Variants in ANO3 observed in about 807,000 individuals in gnomAD.
The protein encoded by ANO3 is anoctamin-3.
ANO3 carries 99 observed loss-of-function variants against 144.8 expected under a neutral mutation model. The ratio of observed to expected loss-of-function variants is 0.68; its 90% CI spans 0.58 to 0.81. The LOEUF (loss-of-function observed/expected upper bound fraction) is 0.81. ANO3 is among the 30% of genes least tolerant of loss of function. The pLI, the probability that ANO3 is intolerant of heterozygous loss-of-function variation, is 0.00. For synonymous variants in ANO3, 414 were observed against 392.6 expected, an observed-to-expected ratio of 1.05 and a Z score of -0.64; for missense variants, 905 against 1,202.2, an observed-to-expected ratio of 0.75 and a Z score of 3.66.
At chr11:26,320,757 T>C (rs1854739329) in intron 1 of ANO3, among the ~76,000 whole-genome samples, 2 of 152,182 alleles carry the variant, frequency 1.3e-5, no homozygotes, top group African/African-American at 4.8e-5. Flanking sequence ...TTGATTAATA[T>C]TAATATTACC....
chr11:26,556,969 C>A (rs1362152276), intron 13 of ANO3, among the ~76,000 whole-genome samples: 1 of 152,118 alleles, frequency 6.6e-6, no homozygotes, highest in Non-Finnish European at 1.5e-5. Context: ...CAGCAGGTAT[C>A]ATGGAGAAAA....
At chr11:26,347,625 C>A (rs1046260619) in intron 1 of ANO3, among the ~76,000 whole-genome samples, 26 of 152,200 alleles carry the variant, frequency 1.7e-4, no homozygotes, top group Admixed American at 6.5e-5. Flanking sequence ...CCTTTACACT[C>A]TACTATGGGC....
chr11:26,542,772 C>T (rs1279476426), intron 11 of ANO3, among the ~76,000 whole-genome samples: 1 of 151,954 alleles, frequency 6.6e-6, no homozygotes, highest in African/African-American at 2.4e-5. Context: ...TGGAGGATAA[C>T]TTGTTTTTTA....
chr11:26,405,454 C>T (rs1440756111), intron 1 of ANO3, among the ~76,000 whole-genome samples: 1 of 151,796 alleles, frequency 6.6e-6, no homozygotes, highest in Non-Finnish European at 1.5e-5. Context: ...CCTGACAAAA[C>T]CCAGTAGCAG....
chr11:26,334,169 T>G (rs1855134465), intron 1 of ANO3, among the ~76,000 whole-genome samples: 1 of 152,234 alleles, frequency 6.6e-6, no homozygotes, highest in Non-Finnish European at 1.5e-5. Flanking sequence ...ATGAGCCATT[T>G]AATTTCAAGT....
chr11:26,362,295 T>C (rs1272898946), intron 1 of ANO3, among the ~76,000 whole-genome samples: 2 of 152,232 alleles, frequency 1.3e-5, no homozygotes, highest in East Asian at 3.8e-4. Context: ...GGAGTTTTTG[T>C]GTATATTATC....
At chr11:26,547,702 A>G in intron 12 of ANO3, 152 bp downstream of exon 12, 1 of 727,136 alleles carries the variant, frequency 1.4e-6, no homozygotes, top group Non-Finnish European at 2.2e-6. Context: ...TGTTTTTGGT[A>G]GGAAGAGAAC....
intron 1 of ANO3, chr11:26,427,466 A>G (rs1304459274): frequency 1.3e-5 from 2 of 152,190 alleles, no homozygotes; most frequent in Non-Finnish European, 1.5e-5. Flanking sequence ...TTTCCCGCCA[A>G]AATGGAACCT....
intron 1 of ANO3, among the ~76,000 whole-genome samples, chr11:26,374,950 G>T (rs1246201167): frequency 6.6e-6 from 1 of 152,082 alleles, no homozygotes; most frequent in African/African-American, 2.4e-5. Flanking sequence ...CACCATGTTG[G>T]CCAGGCTGGT....
chr11:26,519,667 G>T (rs1261847841), intron 6 of ANO3, among the ~76,000 whole-genome samples: 1 of 152,128 alleles, frequency 6.6e-6, no homozygotes, highest in African/African-American at 2.4e-5. Context: ...TCCAATTCAT[G>T]AGGATTCCAC....
intron 11 of ANO3, among the ~76,000 whole-genome samples, chr11:26,543,751 T>C (rs1244039363): frequency 6.6e-6 from 1 of 152,078 alleles, no homozygotes; most frequent in Non-Finnish European, 1.5e-5. Flanking sequence ...GAATGATGGT[T>C]TCCAGCTTCA....
intron 1 of ANO3, among the ~76,000 whole-genome samples, chr11:26,241,550 CA>C (rs1206037541): frequency 6.6e-6 from 1 of 152,152 alleles, no homozygotes; most frequent in African/African-American, 2.4e-5. Flanking sequence ...TATGATCTGA[CA>C]CATTTCTGCC....
intron 14 of ANO3, 104 bp downstream of exon 14, chr11:26,559,883 C>G: frequency 1.2e-6 from 1 of 823,016 alleles, no homozygotes; most frequent in South Asian, 1.6e-5. Flanking sequence ...CACCATGAAT[C>G]AATTCAAAAA....
intron 1 of ANO3, among the ~76,000 whole-genome samples, chr11:26,388,136 AT>A (rs1272228681): frequency 1.3e-5 from 2 of 150,264 alleles, no homozygotes; most frequent in African/African-American, 2.4e-5. Context: ...TATAATTTTT[AT>A]TTTTTATCAA....
chr11:26,557,055 A>G (rs189432786), intron 13 of ANO3, among the ~76,000 whole-genome samples: 1 of 152,128 alleles, frequency 6.6e-6, no homozygotes, highest in Admixed American at 6.6e-5. Flanking sequence ...TTGTAGTCAC[A>G]CTCAGTTCTT....
chr11:26,481,820 A>T lies in ANO3; in HGVS notation c.432+18672A>T, dbSNP rs534286427. On this transcript the variant is annotated intron_variant, in intron 4 of 26. Coordinates refer to ENST00000256737, the MANE Select transcript of ANO3 (RefSeq NM_031418.4). ...AAGAAAACCTAAGCAACATATAAAG[A>T]ATATTGACCTCCCCCATGATCTATT... Among the ~76,000 whole-genome samples, 5 of 152,276 alleles carry T rather than the reference A, an allele frequency of 3.3e-5. No homozygotes were observed. The South Asian group carries it at 1.0e-3, about 32-fold the overall frequency.
chr11:26,195,229 T>A (rs547816051), intron 1 of ANO3, among the ~76,000 whole-genome samples: 1 of 152,302 alleles, frequency 6.6e-6, no homozygotes, highest in Non-Finnish European at 1.5e-5. Flanking sequence ...AGGTCAGTAA[T>A]TTGTCTTGAA....
At chr11:26,369,316 G>A (rs1398627678) in intron 1 of ANO3, among the ~76,000 whole-genome samples, 1 of 152,098 alleles carries the variant, frequency 6.6e-6, no homozygotes, top group African/African-American at 2.4e-5. Context: ...ACATTAAAAT[G>A]TCAAAGAAAC....
intron 1 of ANO3, among the ~76,000 whole-genome samples, chr11:26,206,775 G>A (rs1407905558): frequency 1.3e-5 from 2 of 152,150 alleles, no homozygotes; most frequent in East Asian, 3.9e-4. Flanking sequence ...GCAGATGAAT[G>A]AACATTCCAG....
Sources: gnomAD v4.1 joint callset for allele counts (sites outside exome capture counted in the v4.1 genomes callset) on GRCh38, gnomAD v4.1.1 for gene constraint, MANE v1.5 for transcripts, NCBI Gene and HGNC (gene_info 2026-07-23, HGNC 2026-07-21) for gene names.